CCDC186: variants seen among roughly 807,000 people sequenced by gnomAD.
CCDC186 encodes coiled-coil domain-containing protein 186.
In CCDC186, 49 loss-of-function variants were observed where a neutral mutation model predicts 113.7. The ratio of observed to expected loss-of-function variants is 0.43; its 90% CI spans 0.34 to 0.55. The LOEUF (loss-of-function observed/expected upper bound fraction) is 0.55. CCDC186 is among the 20% of genes least tolerant of loss of function. CCDC186 has a pLI of 0.02. For missense variants in CCDC186, 890 were observed against 1,011.1 expected (o/e 0.88, Z 1.62); for synonymous variants, 355 against 345.8 (o/e 1.03, Z -0.30).
intron 3 of CCDC186, among the ~76,000 whole-genome samples, chr10:114,152,734 A>G (rs1192344338): frequency 6.6e-6 from 1 of 152,232 alleles, no homozygotes; most frequent in Non-Finnish European, 1.5e-5. Context: ...AGATTCAACT[A>G]TATGTTGTCT....
rs111475157 is a variant in CCDC186, at chr10:114,128,197, G to GAATT, written c.2183-527_2183-526insAATT. On this transcript the variant is annotated intron_variant, in intron 13 of 15. Transcript: ENST00000369287. ...ACAGGATTGTTATCCTCATTTAAAT[G>GAATT]AATACATGTGAAATGCTTAGAAAAA... 8.5e-3 allele frequency among the ~76,000 whole-genome samples: 1,293 copies of GAATT among 152,196 alleles called. 20 individuals are homozygous for GAATT. The highest frequency in any genetic ancestry group is 0.029 in the African/African-American group (1,207 of 41,522).
intron 7 of CCDC186, 93 bp from the exon 8 acceptor site, chr10:114,136,339 T>A (rs988308075): frequency 8.9e-6 from 7 of 786,086 alleles, no homozygotes; most frequent in Non-Finnish European, 1.5e-5. Flanking sequence ...TGTAGCATCA[T>A]ATACATTTCT....
chr10:114,131,259 T>G lies in CCDC186; in HGVS notation c.1989A>C (p.Gln663His), dbSNP rs745639342. 6.2e-7 allele frequency: 1 copy of G among 1,605,470 alleles called. No individual in the cohort carries two copies. Among genetic ancestry groups the G allele is most frequent in the Admixed American group, 1.7e-5 (1 of 58,134 alleles). The change falls in exon 12 of 16, where the codon CAA (glutamine) becomes CAC (histidine). Residue 663 changes from glutamine to histidine, a missense_variant. Gln to His is a conservative substitution (Grantham distance 24, BLOSUM62 0). Coordinates refer to ENST00000369287, the MANE Select transcript of CCDC186 (RefSeq NM_018017.4). ...QTLQAELACR[Q>H]TEVKALSTQV... ...GGGTACTCAATGCTTTAACTTCTGT[T>G]TGTCTACAAGCGAGTTCAGCTTGCA...
At chr10:114,145,831 G>A in intron 4 of CCDC186, 70 bp from the exon 5 acceptor site, 1 of 1,365,108 alleles carries the variant, frequency 7.3e-7, no homozygotes, top group South Asian at 1.5e-5. Context: ...GAAATACATG[G>A]TATTTGTCTC....
At chr10:114,168,021 T>G (rs2032386064) in intron 1 of CCDC186, 1 of 151,976 alleles carries the variant, frequency 6.6e-6, no homozygotes, top group African/African-American at 2.4e-5. Flanking sequence ...AAATTTACAC[T>G]CATATATATA....
At chr10:114,155,029 G>A (rs542423924) in intron 3 of CCDC186, among the ~76,000 whole-genome samples, 197 of 152,304 alleles carry the variant, frequency 1.3e-3, no homozygotes, top group Non-Finnish European at 2.3e-3. Context: ...GTCCAGAACA[G>A]GCAAATATAT....
chr10:114,157,178 ATTTTTTTT>A (rs34377537), intron 3 of CCDC186, among the ~76,000 whole-genome samples: 1 of 121,190 alleles, frequency 8.3e-6, no homozygotes, highest in African/African-American at 3.1e-5. Flanking sequence ...AGTTTTCAGA[ATTTTTTTT>A]TTTTTTTTTT....
chr10:114,162,773 T>C lies in CCDC186; in HGVS notation c.496A>G (p.Ile166Val). The stretch of plus-strand genomic sequence containing the variant: ...TCCGTAGATAAGAGCTCAGATTCTA[T>C]TTCTTCCAACAAATCCTCTGATGCT... ...VSASEDLLEEIESELLSTEFA... is the reference protein window; with the variant it reads ...VSASEDLLEEVESELLSTEFA... The change falls in exon 2 of 16, where the codon ATA becomes GTA. Residue 166 changes from isoleucine (I) to valine (V), a missense_variant. Transcript: ENST00000369287. 6.2e-7 allele frequency: 1 copy of C among 1,614,006 alleles called. No homozygotes were observed. The highest frequency in any genetic ancestry group is 8.5e-7 in the Non-Finnish European group (1 of 1,179,934).
At chr10:114,126,157 T>G in intron 14 of CCDC186, 52 bp from the exon 15 acceptor site, 1 of 1,421,492 alleles carries the variant, frequency 7.0e-7, no homozygotes, top group East Asian at 2.3e-5. Context: ...TTAAAAAAAA[T>G]GGAATCTGCA....
Position 114,170,869 on chromosome 10 carries a change from C to T in CCDC186, c.-62+3146G>A, listed in dbSNP as rs576307326. On this transcript the variant is annotated intron_variant, in intron 1 of 15. Coordinates refer to ENST00000369287, the MANE Select transcript of CCDC186 (RefSeq NM_018017.4). ...CAATAGATGCGGCAAGACCCCCCCA[C>T]CCTCCACCAACTCCCAAATAGTACC... 3.6e-4 allele frequency among the ~76,000 whole-genome samples: 55 copies of T among 151,950 alleles called. No homozygotes were observed. In the Middle Eastern group the frequency reaches 0.01, roughly 28 times the overall value.
rs1589605291 is a variant in CCDC186 at position 114,125,122 on chromosome 10, T to C, written c.*21A>G. On this transcript the variant is annotated 3_prime_UTR_variant, in exon 16 of 16. Coordinates refer to ENST00000369287, the MANE Select transcript of CCDC186 (RefSeq NM_018017.4). ...CTACTCCTGTGTGGCTTTTGTCTCTTTACTGAGCAAGAGGCTTGTTTTAGG... is the reference window on the plus strand; with the variant it reads ...CTACTCCTGTGTGGCTTTTGTCTCTCTACTGAGCAAGAGGCTTGTTTTAGG... The C allele has an allele frequency of 6.4e-7, 1 of 1,573,612 alleles. No homozygotes were observed. Among genetic ancestry groups the C allele is most frequent in the East Asian group, 2.3e-5 (1 of 43,428 alleles).
In CCDC186 at chr10:114,122,738, G is replaced by A. The variant is rs931441002; in HGVS notation, c.*2405C>T. 6.6e-6 allele frequency: 1 copy of A among 152,186 alleles called. No homozygotes were observed. Among genetic ancestry groups the A allele is most frequent in the Non-Finnish European group, 1.5e-5 (1 of 68,038 alleles). The allele number at this position is 152,186 out of a possible 1,614,324, so 9.4% of individuals were successfully genotyped here. A position where few individuals can be genotyped will look rare whatever the true frequency, so the allele number is the denominator to read the frequency against. ...ATAGAGATAAGTATCTCTGATACATGTAATTACTTTGCTCAGTCCTGATCC... is the reference window on the plus strand; with the variant it reads ...ATAGAGATAAGTATCTCTGATACATATAATTACTTTGCTCAGTCCTGATCC... On this transcript the variant is annotated 3_prime_UTR_variant, in exon 16 of 16. Transcript: ENST00000369287.
At chr10:114,137,628 C>T (rs971508283) in intron 6 of CCDC186, among the ~76,000 whole-genome samples, 1 of 152,086 alleles carries the variant, frequency 6.6e-6, no homozygotes, top group Non-Finnish European at 1.5e-5. Flanking sequence ...TTTGGCCGGA[C>T]GTGGTGGCTC....
chr10:114,128,834 G>A (rs2030995024), intron 13 of CCDC186, among the ~76,000 whole-genome samples: 1 of 152,098 alleles, frequency 6.6e-6, no homozygotes, highest in Non-Finnish European at 1.5e-5. Context: ...ATATACATGT[G>A]CACATATATG....
chr10:114,147,261 C>T (rs1383077090), intron 4 of CCDC186, among the ~76,000 whole-genome samples: 1 of 151,956 alleles, frequency 6.6e-6, no homozygotes, highest in African/African-American at 2.4e-5. Context: ...AAAGAGCTCA[C>T]CATCTAGTGA....
intron 3 of CCDC186, among the ~76,000 whole-genome samples, chr10:114,156,288 G>A (rs559158813): frequency 2.3e-4 from 35 of 152,318 alleles, no homozygotes; most frequent in African/African-American, 8.2e-4. Flanking sequence ...TTTGAAAGAT[G>A]AGACAAAATA....
chr10:114,164,757 A>C (rs1211753942), intron 1 of CCDC186, among the ~76,000 whole-genome samples: 2 of 152,244 alleles, frequency 1.3e-5, no homozygotes, highest in Admixed American at 6.5e-5. Context: ...AGATATACTA[A>C]ATTTTTAAAT....
At chr10:114,144,076 T>C (rs959315232) in intron 6 of CCDC186, among the ~76,000 whole-genome samples, 2 of 152,032 alleles carry the variant, frequency 1.3e-5, no homozygotes, top group Non-Finnish European at 2.9e-5. Context: ...TTTTTGAGTA[T>C]AAAATCTTAG....
rs185517085 is a variant in CCDC186, at chr10:114,137,180, G to A, written c.1326+6C>T. The A allele has an allele frequency of 1.7e-4, 266 of 1,583,320 alleles. 1 individual carries two copies. In the East Asian group the frequency reaches 5.0e-3, roughly 30 times the overall value. On this transcript the variant is annotated splice_donor_region_variant and intron_variant, in intron 7 of 15. Transcript: ENST00000369287. ...GATACTAATCTATTTTAAAAGTTATGCATACCTGATATGTTTTTATCATAT... is the reference window on the plus strand; with the variant it reads ...GATACTAATCTATTTTAAAAGTTATACATACCTGATATGTTTTTATCATAT...
Sources: allele counts gnomAD v4.1 joint callset (sites outside exome capture counted in the v4.1 genomes callset), GRCh38; gene constraint gnomAD v4.1.1; transcripts MANE v1.5; gene names NCBI Gene and HGNC (gene_info 2026-07-23, HGNC 2026-07-21).